RYR3: variants seen among roughly 807,000 people sequenced by gnomAD.
The protein encoded by RYR3 is ryanodine receptor 3.
A neutral mutation model predicts 584.3 loss-of-function variants in RYR3; 207 were observed. That is an observed-to-expected ratio of 0.35 (90% CI 0.32 to 0.40). The LOEUF (loss-of-function observed/expected upper bound fraction) is 0.40, where lower values mean the gene tolerates loss of function less well. Among genes scored for constraint, RYR3 ranks in the 10% least tolerant of loss-of-function variants. The probability of loss-of-function intolerance (pLI) is 1.00; values close to 1 mark genes in which losing one functional copy is unlikely to be tolerated. For synonymous variants in RYR3, 2,416 were observed against 2,248.5 expected (o/e 1.07, Z -2.11); for missense variants, 5,616 against 6,089.2 (o/e 0.92, Z 2.59).
chr15:33,319,599 A>G (rs1198396150), intron 1 of RYR3, among the ~76,000 whole-genome samples: 2 of 152,242 alleles, frequency 1.3e-5, no homozygotes, highest in Admixed American at 1.3e-4. Flanking sequence ...TGATGGGTAA[A>G]GTCAGAGGTA....
At chr15:33,594,987 C>A (rs996298665) in intron 16 of RYR3, among the ~76,000 whole-genome samples, 1 of 152,156 alleles carries the variant, frequency 6.6e-6, no homozygotes, top group Admixed American at 6.5e-5. Flanking sequence ...TCATATTTGA[C>A]AATGCTTCCT....
chr15:33,752,082 G>T (rs760663656), intron 57 of RYR3, among the ~76,000 whole-genome samples: 8 of 152,086 alleles, frequency 5.3e-5, no homozygotes, highest in African/African-American at 1.9e-4. Flanking sequence ...CTATTCCATC[G>T]GTCTATATCT....
rs748677284 is a variant in RYR3 at position 33,838,577 on chromosome 15, C to G, written c.12597C>G (p.Leu4199=). The change falls in exon 89 of 104, where the codon CTC becomes CTG. Residue 4199 remains leucine (L), a synonymous_variant. Coordinates refer to ENST00000634891, the MANE Select transcript of RYR3 (RefSeq NM_001036.6). ...WMLFVGLFQL[L]FTILGGIFQI... ...TGTTCGTGGGGCTATTCCAGTTGCT[C>G]TTCACCATCCTGGGAGGAATCTTTC... 1.9e-6 allele frequency: 3 copies of G among 1,613,964 alleles called. No individual in the cohort carries two copies. Among genetic ancestry groups the G allele is most frequent in the Non-Finnish European group, 1.7e-6 (2 of 1,179,878 alleles).
At chr15:33,596,522 T>G (rs1485750457) in intron 16 of RYR3, among the ~76,000 whole-genome samples, 1 of 152,004 alleles carries the variant, frequency 6.6e-6, no homozygotes, top group African/African-American at 2.4e-5. Flanking sequence ...TGACTTCTTT[T>G]TATTTATTTA....
At chr15:33,655,373 G>A (rs561733456) in intron 32 of RYR3, among the ~76,000 whole-genome samples, 8 of 152,234 alleles carry the variant, frequency 5.3e-5, no homozygotes, top group East Asian at 1.9e-4. Context: ...TGCAGAGGAC[G>A]CTAAAGCATC....
Position 33,812,748 on chromosome 15 carries a change from A to G in RYR3, c.10258-115A>G, listed in dbSNP as rs2076617815. 5 of 930,916 alleles carry G rather than the reference A, an allele frequency of 5.4e-6. No homozygotes were observed. In the African/African-American group the frequency reaches 6.6e-5, roughly 12 times the overall value. 57.7% of individuals were successfully genotyped at this position (930,916 alleles called of 1,614,324 possible). ...AAGATAATTGAGAAAATGAAAGTGA[A>G]GTGATAATAGAAGGAGAGTCTTGAC... On this transcript the variant is annotated intron_variant, in intron 72 of 103. Coordinates refer to ENST00000634891, the MANE Select transcript of RYR3 (RefSeq NM_001036.6).
Position 33,700,996 on chromosome 15 carries a change from A to G in RYR3, c.6399A>G (p.Gly2133=), listed in dbSNP as rs1298145938. The G allele has an allele frequency of 6.2e-7, 1 of 1,613,082 alleles. No individual in the cohort carries two copies. Among genetic ancestry groups the G allele is most frequent in the Non-Finnish European group, 8.5e-7 (1 of 1,179,512 alleles). Reference sequence around the variant, plus strand: ...CCTCAGCCTCCCCGTCGATGAGGGGATCCACCCCGCTGGATGTGGCAGCTT... The same window carrying G: ...CCTCAGCCTCCCCGTCGATGAGGGGGTCCACCCCGCTGGATGTGGCAGCTT... ...SVGLASPSMR[G]STPLDVAASS... The change falls in exon 42 of 104, where the codon GGA becomes GGG. Residue 2133 remains glycine (G), a synonymous_variant. Transcript: ENST00000634891.
At chr15:33,643,842 T>C (rs1043470370) in intron 27 of RYR3, among the ~76,000 whole-genome samples, 1 of 152,162 alleles carries the variant, frequency 6.6e-6, no homozygotes, top group Middle Eastern at 3.2e-3. Flanking sequence ...AGATAACATA[T>C]TCATCATCTC....
At chr15:33,822,625 A>G (rs61375605) in intron 80 of RYR3, among the ~76,000 whole-genome samples, 44 of 152,354 alleles carry the variant, frequency 2.9e-4, no homozygotes, top group African/African-American at 1.0e-3. Context: ...ACAAAGCCTC[A>G]TTGTGAAAGA....
chr15:33,694,915 C>G (rs1298517929), intron 38 of RYR3, among the ~76,000 whole-genome samples: 1 of 152,226 alleles, frequency 6.6e-6, no homozygotes, highest in African/African-American at 2.4e-5. Flanking sequence ...ATCTAGGTCT[C>G]TTTTAAAGCT....
chr15:33,538,158 T>G (rs1455569895), intron 5 of RYR3, among the ~76,000 whole-genome samples: 1 of 152,188 alleles, frequency 6.6e-6, no homozygotes, highest in Non-Finnish European at 1.5e-5. Context: ...TCTCTTCTCT[T>G]TTCACTTTGT....
intron 5 of RYR3, among the ~76,000 whole-genome samples, chr15:33,536,993 C>T (rs1197470330): frequency 6.6e-6 from 1 of 152,150 alleles, no homozygotes; most frequent in African/African-American, 2.4e-5. Flanking sequence ...TCTTCCCATC[C>T]TTCCAATAGA....
chr15:33,710,673 C>A (rs946717314), intron 43 of RYR3, among the ~76,000 whole-genome samples: 5 of 152,152 alleles, frequency 3.3e-5, no homozygotes, highest in Non-Finnish European at 7.4e-5. Flanking sequence ...CCAGGCTTTT[C>A]CATACATCCT....
intron 103 of RYR3, chr15:33,864,802 G>A: frequency 4.0e-6 from 1 of 250,720 alleles, no homozygotes; most frequent in Non-Finnish European, 7.7e-6. Context: ...GTTCCCTCAA[G>A]CATTCCTCCG....
In RYR3 at chr15:33,662,564, T is replaced by C; in HGVS notation, c.5034T>C (p.Asp1678=). ...STPCFVVTGE[D]HQKQSPEIPL... is the part of the protein sequence containing the mutation. ...CTTGCTTTGTTGTGACTGGTGAGGATCACCAAAAGCAGAGCCCCGAGATTC... is the reference window on the plus strand; with the variant it reads ...CTTGCTTTGTTGTGACTGGTGAGGACCACCAAAAGCAGAGCCCCGAGATTC... Residue 1678 remains aspartate, a synonymous_variant, in exon 35 of 104, where the codon GAT becomes GAC. Coordinates refer to ENST00000634891, the MANE Select transcript of RYR3 (RefSeq NM_001036.6). 6.2e-7 allele frequency: 1 copy of C among 1,613,828 alleles called. No homozygotes were observed. The highest frequency in any genetic ancestry group is 8.5e-7 in the Non-Finnish European group (1 of 1,179,858).
intron 18 of RYR3, among the ~76,000 whole-genome samples, chr15:33,607,784 C>T (rs187175726): frequency 6.6e-6 from 1 of 152,064 alleles, no homozygotes; most frequent in Admixed American, 6.5e-5. Context: ...CTACTGTTAG[C>T]CTAATAATTA....
At chr15:33,852,384 C>T (rs778829867) in intron 94 of RYR3, 1 of 152,056 alleles carries the variant, frequency 6.6e-6, no homozygotes, top group African/African-American at 2.4e-5. Context: ...GTACAAGCTA[C>T]AGAGAGAAGA....
chr15:33,336,357 G>T (rs1032731741), intron 1 of RYR3, among the ~76,000 whole-genome samples: 10 of 151,036 alleles, frequency 6.6e-5, no homozygotes, highest in Admixed American at 6.6e-4. Flanking sequence ...ACTTCAACCT[G>T]GGAGGCTGCA....
chr15:33,348,853 G>A lies in RYR3; in HGVS notation c.51+37757G>A, dbSNP rs191901459. Among the ~76,000 whole-genome samples, 57 of 152,034 alleles carry A rather than the reference G, an allele frequency of 3.7e-4. No individual in the cohort carries two copies. In the South Asian group the frequency reaches 0.01, roughly 28 times the overall value. ...TTTGGCGAGTTTTGCCAGATGTGTCGTGTCATGTATCCACTATTGCAGCAT... is the reference window on the plus strand; with the variant it reads ...TTTGGCGAGTTTTGCCAGATGTGTCATGTCATGTATCCACTATTGCAGCAT... On this transcript the variant is annotated intron_variant, in intron 1 of 103. Coordinates refer to ENST00000634891, the MANE Select transcript of RYR3 (RefSeq NM_001036.6).
Sources: gnomAD v4.1 joint callset for allele counts (sites outside exome capture counted in the v4.1 genomes callset) on GRCh38, gnomAD v4.1.1 for gene constraint, MANE v1.5 for transcripts, NCBI Gene and HGNC (gene_info 2026-07-23, HGNC 2026-07-21) for gene names.